The following MAP3K9 variants were observed in gnomAD, a reference collection of about 807,000 sequenced individuals.
MAP3K9 encodes the protein mixed lineage kinase 1 (tyr and ser/thr specificity).
In MAP3K9, 46 loss-of-function variants were observed where a neutral mutation model predicts 95.8. That is an observed-to-expected ratio of 0.48 (90% CI 0.38 to 0.61). The LOEUF (loss-of-function observed/expected upper bound fraction) is 0.61, where lower values mean the gene tolerates loss of function less well. Ranked by LOEUF, MAP3K9 falls within the 20% of genes least tolerant of loss-of-function variation. The probability of loss-of-function intolerance (pLI) is 0.00; values close to 1 mark genes in which losing one functional copy is unlikely to be tolerated. For missense variants in MAP3K9, 1,296 were observed against 1,474.3 expected (o/e 0.88, Z 1.98); for synonymous variants, 533 against 593.8 (o/e 0.90, Z 1.49).
Position 70,809,421 on chromosome 14 carries a change from C to A in MAP3K9, c.-250G>T, listed in dbSNP as rs2055042296. 1 of 353,072 alleles carries A rather than the reference C, an allele frequency of 2.8e-6. No individual in the cohort carries two copies. The highest frequency in any genetic ancestry group is 4.9e-6 in the Non-Finnish European group (1 of 202,050). The allele number at this position is 353,072 out of a possible 1,614,324, so 21.9% of individuals were successfully genotyped here. On this transcript the variant is annotated 5_prime_UTR_variant, in exon 1 of 12. Transcript: ENST00000554752. ...GCCGAGTCCCCGCCTGCCCGCTCGCCCCCCCGGGGGCGGCCTCGTCACCTC... is the reference window on the plus strand; with the variant it reads ...GCCGAGTCCCCGCCTGCCCGCTCGCACCCCCGGGGGCGGCCTCGTCACCTC...
At chr14:70,745,106 G>T (rs772689868) in intron 5 of MAP3K9, among the ~76,000 whole-genome samples, 4 of 152,180 alleles carry the variant, frequency 2.6e-5, no homozygotes, top group Admixed American at 6.5e-5. Context: ...CTGGGCCTTG[G>T]ATTAAAGTGG....
At chr14:70,741,784 T>G (rs1188918267) in intron 6 of MAP3K9, among the ~76,000 whole-genome samples, 1 of 152,068 alleles carries the variant, frequency 6.6e-6, no homozygotes, top group Non-Finnish European at 1.5e-5. Flanking sequence ...CTGTCTCTAC[T>G]AAAAATACAA....
chr14:70,763,914 G>A (rs1007020006), intron 2 of MAP3K9, among the ~76,000 whole-genome samples: 2 of 151,792 alleles, frequency 1.3e-5, no homozygotes, highest in Admixed American at 6.6e-5. Flanking sequence ...GGCCGGGCGC[G>A]GTGGCTCACG....
intron 2 of MAP3K9, among the ~76,000 whole-genome samples, chr14:70,797,807 A>G (rs2054881605): frequency 6.6e-6 from 1 of 152,214 alleles, no homozygotes; most frequent in African/African-American, 2.4e-5. Flanking sequence ...TGGTGGTATC[A>G]TCGAGGCTCA....
chr14:70,802,295 T>G (rs1398873265), intron 1 of MAP3K9, among the ~76,000 whole-genome samples: 3 of 152,180 alleles, frequency 2.0e-5, no homozygotes, highest in East Asian at 3.9e-4. Context: ...TCATAAGAGA[T>G]ATCTTACTCC....
intron 2 of MAP3K9, among the ~76,000 whole-genome samples, chr14:70,782,475 T>C (rs534880265): frequency 2.6e-4 from 39 of 152,230 alleles, no homozygotes; most frequent in African/African-American, 8.4e-4. Context: ...AGATACCACC[T>C]TCATCCCATC....
intron 3 of MAP3K9, among the ~76,000 whole-genome samples, chr14:70,751,143 C>T (rs997887397): frequency 6.6e-6 from 1 of 152,138 alleles, no homozygotes; most frequent in African/African-American, 2.4e-5. Flanking sequence ...CTTCAGTGTG[C>T]CCTCCCTATC....
chr14:70,808,667 CGCCCTCATCCCAGCCCTCGCGCAGTGCT>C, intron 1 of MAP3K9, 71 bp downstream of exon 1: 2 of 155,628 alleles, frequency 1.3e-5, no homozygotes, highest in Non-Finnish European at 1.3e-5. Context: ...CCCCACCCCC[CGCCCTCATCCCAGCCCTCGCGCAGTGCT>C]CCCCCCTTCC....
intron 2 of MAP3K9, among the ~76,000 whole-genome samples, chr14:70,793,574 G>A (rs1368620057): frequency 6.6e-6 from 1 of 152,134 alleles, no homozygotes; most frequent in Non-Finnish European, 1.5e-5. Context: ...CACAAGTGAG[G>A]TCTGAATGAC....
At chr14:70,736,457 C>A (rs2053987894) in intron 8 of MAP3K9, among the ~76,000 whole-genome samples, 1 of 152,096 alleles carries the variant, frequency 6.6e-6, no homozygotes, top group South Asian at 2.1e-4. Context: ...CTCAAAATTT[C>A]TGACATTAAA....
At chr14:70,740,864 A>G (rs1156911463) in intron 6 of MAP3K9, among the ~76,000 whole-genome samples, 2 of 152,224 alleles carry the variant, frequency 1.3e-5, no homozygotes, top group Non-Finnish European at 2.9e-5. Flanking sequence ...GCATCCTGAC[A>G]TGCAACAATA....
intron 2 of MAP3K9, among the ~76,000 whole-genome samples, chr14:70,768,076 C>A (rs892072441): frequency 6.6e-6 from 1 of 151,836 alleles, no homozygotes; most frequent in African/African-American, 2.4e-5. Flanking sequence ...AAGAATAAGA[C>A]CTAGTATTTG....
In MAP3K9 at chr14:70,809,268, C is replaced by A. The variant is rs536557176; in HGVS notation, c.-97G>T. The A allele has an allele frequency of 5.0e-4, 615 of 1,237,946 alleles. 4 individuals are homozygous for A. The East Asian group carries it at 0.011, about 22-fold the overall frequency. The allele number at this position is 1,237,946 out of a possible 1,614,324, so 76.7% of individuals were successfully genotyped here. A position where few individuals can be genotyped will look rare whatever the true frequency, so the allele number is the denominator to read the frequency against. ...CTCCGCAGAGCTGGGAGGACCCCCCCCCAACGACGGCGGCCGCAGGTAGGG... is the reference window on the plus strand; with the variant it reads ...CTCCGCAGAGCTGGGAGGACCCCCCACCAACGACGGCGGCCGCAGGTAGGG... On this transcript the variant is annotated 5_prime_UTR_variant, in exon 1 of 12. Coordinates refer to ENST00000554752, the MANE Select transcript of MAP3K9 (RefSeq NM_001284230.2).
chr14:70,761,800 G>A (rs984180147), intron 2 of MAP3K9, among the ~76,000 whole-genome samples: 3 of 152,014 alleles, frequency 2.0e-5, no homozygotes, highest in African/African-American at 7.3e-5. Flanking sequence ...ATTTCAAAGT[G>A]AACAATTTAG....
chr14:70,749,786 T>C (rs926645181), intron 4 of MAP3K9, 147 bp downstream of exon 4: 35 of 895,644 alleles, frequency 3.9e-5, no homozygotes, highest in Admixed American at 2.6e-4. Context: ...TGAAGAAGCC[T>C]TTCCAGTTGC....
rs2139860320 is a variant in MAP3K9 at position 70,800,731 on chromosome 14, C to T, written c.756G>A (p.Gly252=). ...LVNWAVQIAR[G]MNYLHDEAIV... ...TTGCCTCATCATGTAAGTAGTTCAT[C>T]CCTCTGGCAATCTGCACAGCCCAAT... Residue 252 remains glycine, a synonymous_variant, in exon 2 of 12, where the codon GGG becomes GGA. Coordinates refer to ENST00000554752, the MANE Select transcript of MAP3K9 (RefSeq NM_001284230.2). The T allele has an allele frequency of 6.2e-7, 1 of 1,614,148 alleles. No homozygotes were observed. The highest frequency in any genetic ancestry group is 8.5e-7 in the Non-Finnish European group (1 of 1,180,030).
rs776593654 is a variant in MAP3K9 at position 70,800,814 on chromosome 14, C to A, written c.673G>T (p.Gly225Ter). 1 of 1,614,174 alleles carries A rather than the reference C, an allele frequency of 6.2e-7. No homozygotes were observed. The highest frequency in any genetic ancestry group is 1.1e-5 in the South Asian group (1 of 91,078). ...NLCLVMEFAR[G>*]GPLNRVLSGK... The stretch of plus-strand genomic sequence containing the variant: ...GATAACACTCTATTCAAAGGTCCTC[C>A]ACGAGCAAACTCCATGACCAAGCAG... The change falls in exon 2 of 12, where the codon GGA (glycine) becomes TGA (stop). Residue 225 changes from glycine (G) to a stop codon, truncating the protein, a stop_gained. Coordinates refer to ENST00000554752, the MANE Select transcript of MAP3K9 (RefSeq NM_001284230.2). LOFTEE classifies it high-confidence loss of function.
intron 2 of MAP3K9, among the ~76,000 whole-genome samples, chr14:70,771,170 C>A (rs1230200605): frequency 1.3e-5 from 2 of 152,162 alleles, no homozygotes; most frequent in South Asian, 4.1e-4. Context: ...TCTCTTCTCC[C>A]ATGCACCTTG....
chr14:70,736,192 C>G (rs1594766381), intron 8 of MAP3K9, among the ~76,000 whole-genome samples, 163 bp from the exon 9 acceptor site: 1 of 152,274 alleles, frequency 6.6e-6, no homozygotes, highest in African/African-American at 2.4e-5. Flanking sequence ...ACAAGATGGT[C>G]CTGTTTAAGC....
Sources: gnomAD v4.1 joint callset for allele counts (sites outside exome capture counted in the v4.1 genomes callset) on GRCh38, gnomAD v4.1.1 for gene constraint, MANE v1.5 for transcripts, NCBI Gene and HGNC (gene_info 2026-07-23, HGNC 2026-07-21) for gene names.